COL25A1: variants seen among roughly 807,000 people sequenced by gnomAD.
COL25A1 encodes the protein collagen alpha-1(XXV) chain.
A neutral mutation model predicts 128.4 loss-of-function variants in COL25A1; 103 were observed. That is an observed-to-expected ratio of 0.80 (90% CI 0.68 to 0.94). COL25A1 has a LOEUF of 0.94. COL25A1 is among the 40% of genes least tolerant of loss of function. The pLI is 0.00. For missense variants in COL25A1, 745 were observed against 840.0 expected (o/e 0.89, Z 1.40); for synonymous variants, 279 against 277.2 (o/e 1.01, Z -0.06).
intron 5 of COL25A1, among the ~76,000 whole-genome samples, chr4:109,034,248 A>T (rs1254446953): frequency 6.6e-6 from 1 of 152,198 alleles, no homozygotes; most frequent in Non-Finnish European, 1.5e-5. Flanking sequence ...CAAGAAACAC[A>T]TTTGATATGG....
chr4:109,016,129 A>G (rs1757190287), intron 5 of COL25A1, among the ~76,000 whole-genome samples: 1 of 152,176 alleles, frequency 6.6e-6, no homozygotes, highest in Admixed American at 6.5e-5. Context: ...CTGCCCCTGC[A>G]GACTTAGAAG....
intron 3 of COL25A1, among the ~76,000 whole-genome samples, chr4:109,145,067 C>CTT (rs11344199): frequency 6.4e-5 from 7 of 109,116 alleles, no homozygotes; most frequent in African/African-American, 6.6e-5. Flanking sequence ...AAAACCTCAG[C>CTT]TTTTTTTTTT....
chr4:109,202,611 AC>A lies in COL25A1; in HGVS notation c.367+97971del, dbSNP rs540971534. Among the ~76,000 whole-genome samples the A allele has an allele frequency of 2.3e-3, 354 of 152,284 alleles. 2 individuals carry two copies. The highest frequency in any genetic ancestry group is 6.8e-3 in the Middle Eastern group (2 of 294). Reference sequence around the variant, plus strand: ...CTATCCATAAAAGAAAAAACCAAAAACTTGGACTTCATAAAATAGTATGTAA... The same window carrying A: ...CTATCCATAAAAGAAAAAACCAAAAATTGGACTTCATAAAATAGTATGTAA... On this transcript the variant is annotated intron_variant, in intron 3 of 37. Coordinates refer to ENST00000399132, the MANE Select transcript of COL25A1 (RefSeq NM_198721.4).
chr4:109,012,645 AG>A (rs1469882073), intron 5 of COL25A1, among the ~76,000 whole-genome samples: 1 of 151,776 alleles, frequency 6.6e-6, no homozygotes, highest in African/African-American at 2.4e-5. Context: ...AGGGGGCGCC[AG>A]GTCCCCCGGC....
chr4:109,088,996 C>T (rs1055959412), intron 3 of COL25A1, among the ~76,000 whole-genome samples: 5 of 152,158 alleles, frequency 3.3e-5, no homozygotes, highest in African/African-American at 9.7e-5. Context: ...CTTTGCCTGA[C>T]TTGTTCACTC....
chr4:109,246,517 G>C (rs968467093), intron 3 of COL25A1, among the ~76,000 whole-genome samples: 1 of 151,974 alleles, frequency 6.6e-6, no homozygotes, highest in Non-Finnish European at 1.5e-5. Flanking sequence ...ATATTTTACT[G>C]TATCAACTTT....
chr4:109,138,690 GTTT>G, intron 3 of COL25A1, among the ~76,000 whole-genome samples: 1 of 150,866 alleles, frequency 6.6e-6, no homozygotes, highest in South Asian at 2.1e-4. Context: ...TTTTGTTTTT[GTTT>G]TTGTTTTTTG....
chr4:108,888,855 C>G (rs1741120066), intron 18 of COL25A1, among the ~76,000 whole-genome samples: 1 of 152,002 alleles, frequency 6.6e-6, no homozygotes, highest in Admixed American at 6.6e-5. Flanking sequence ...GCAACACAGC[C>G]AATTATAGAC....
chr4:108,987,793 T>A (rs1052353350), intron 6 of COL25A1, among the ~76,000 whole-genome samples: 1 of 152,214 alleles, frequency 6.6e-6, no homozygotes, highest in African/African-American at 2.4e-5. Flanking sequence ...GTTTTTGCAG[T>A]ACAGTCCCAT....
chr4:108,951,474 C>T (rs547124422), intron 8 of COL25A1, among the ~76,000 whole-genome samples: 1 of 151,766 alleles, frequency 6.6e-6, no homozygotes, highest in South Asian at 2.1e-4. Flanking sequence ...CAACCTCCGC[C>T]TCCCAGGTTC....
rs1553968414 is a variant in COL25A1 at position 109,254,505 on chromosome 4, A to ATGTG, written c.367+46077_367+46078insCACA. On this transcript the variant is annotated intron_variant, in intron 3 of 37. Transcript: ENST00000399132. ...TATATATATATATATATATATATAT[A>ATGTG]TGTATGTGTGTATATACATATACAT... is the stretch of plus-strand genomic sequence containing the variant. Among the ~76,000 whole-genome samples the ATGTG allele has an allele frequency of 4.3e-4, 45 of 105,010 alleles. 3 individuals are homozygous for ATGTG. Among genetic ancestry groups the ATGTG allele is most frequent in the East Asian group, 3.7e-3 (12 of 3,272 alleles). The allele number at this position is 105,010 out of a possible 152,430, so 68.9% of individuals were successfully genotyped here.
At chr4:108,945,529 T>C (rs1748625040) in intron 8 of COL25A1, among the ~76,000 whole-genome samples, 1 of 151,128 alleles carries the variant, frequency 6.6e-6, no homozygotes, top group African/African-American at 2.4e-5. Flanking sequence ...AGAATGGACA[T>C]ATTTTACTTG....
At chr4:109,119,031 A>G (rs1012181253) in intron 3 of COL25A1, among the ~76,000 whole-genome samples, 1 of 151,930 alleles carries the variant, frequency 6.6e-6, no homozygotes, top group Admixed American at 6.6e-5. Flanking sequence ...GCAGATAACA[A>G]TGGAATGAAA....
chr4:108,845,212 T>G lies in COL25A1; in HGVS notation c.1555A>C (p.Met519Leu), dbSNP rs763262986. The change falls in exon 29 of 38, where the codon ATG becomes CTG. Residue 519 changes from methionine to leucine, a missense_variant. By Grantham distance (15) the Met-to-Leu change is conservative (BLOSUM62 2). This residue lies in a region of COL25A1 where 387 missense variants were observed against 441.9 expected (regional missense o/e 0.88). Transcript: ENST00000399132. Reference protein sequence around the residue: ...GMKGEKGDSGMPGPQGPSIIG... With the variant: ...GMKGEKGDSGLPGPQGPSIIG... ...ACAGAAGGACCCTGTGGACCCGGCA[T>G]TCCAGAATCTCCTTTTTCTCCTTTC... is the stretch of plus-strand genomic sequence containing the variant. 22 of 1,614,024 alleles carry G rather than the reference T, an allele frequency of 1.4e-5. No individual in the cohort carries two copies. The highest frequency in any genetic ancestry group is 1.7e-5 in the Non-Finnish European group (20 of 1,179,858).
chr4:109,153,830 T>C (rs1771762931), intron 3 of COL25A1, among the ~76,000 whole-genome samples: 1 of 152,178 alleles, frequency 6.6e-6, no homozygotes, highest in African/African-American at 2.4e-5. Context: ...ACATATACTT[T>C]AGTTCAATTG....
chr4:108,958,918 G>A (rs748257297), intron 8 of COL25A1, among the ~76,000 whole-genome samples: 46 of 151,828 alleles, frequency 3.0e-4, no homozygotes, highest in Non-Finnish European at 4.6e-4. Context: ...AAAATAATTC[G>A]ATAAATTTTA....
rs142163415 is a variant in COL25A1, at chr4:108,843,104, G to A, written c.1630-1383C>T. Among the ~76,000 whole-genome samples, 598 of 132,438 alleles carry A rather than the reference G, an allele frequency of 4.5e-3. 2 individuals carry two copies. Among genetic ancestry groups the A allele is most frequent in the Non-Finnish European group, 5.1e-3 (336 of 65,276 alleles). The allele number at this position is 132,438 out of a possible 152,430, so 86.9% of individuals were successfully genotyped here. A position where few individuals can be genotyped will look rare whatever the true frequency, so the allele number is the denominator to read the frequency against. On this transcript the variant is annotated intron_variant, in intron 30 of 37. Coordinates refer to ENST00000399132, the MANE Select transcript of COL25A1 (RefSeq NM_198721.4). ...GTAGAGGTTGCAGTGAGCCATGATC[G>A]TGCCACTGTACTCCAGCCTGGGTGA...
chr4:108,893,145 G>A (rs948977673), intron 16 of COL25A1, among the ~76,000 whole-genome samples: 8 of 152,098 alleles, frequency 5.3e-5, no homozygotes, highest in African/African-American at 1.9e-4. Flanking sequence ...TCTTTGCTAT[G>A]TAGATGTGAA....
intron 14 of COL25A1, among the ~76,000 whole-genome samples, chr4:108,899,709 C>T (rs1742590292): frequency 1.3e-5 from 2 of 152,108 alleles, no homozygotes; most frequent in Non-Finnish European, 2.9e-5. Context: ...GTCATAAACT[C>T]TCTTTAGCTT....
Sources: gnomAD v4.1 joint callset for allele counts (sites outside exome capture counted in the v4.1 genomes callset) on GRCh38, gnomAD v4.1.1 for gene constraint, gnomAD v4.1.1 regional missense constraint, MANE v1.5 for transcripts, NCBI Gene and HGNC (gene_info 2026-07-23, HGNC 2026-07-21) for gene names.